Variants in AASS observed in about 807,000 individuals in gnomAD.
The protein encoded by AASS is alpha-aminoadipic semialdehyde synthase, mitochondrial.
AASS carries 86 observed loss-of-function variants against 105.4 expected under a neutral mutation model. The observed-to-expected ratio is 0.82, with a 90% confidence interval of 0.69 to 0.98. The LOEUF (loss-of-function observed/expected upper bound fraction) is 0.98, where lower values mean the gene tolerates loss of function less well. AASS is among the 50% of genes least tolerant of loss of function. AASS has a pLI of 0.00. For missense variants in AASS, 1,048 were observed against 1,143.2 expected (o/e 0.92, Z 1.20); for synonymous variants, 381 against 394.8 (o/e 0.96, Z 0.41).
At chr7:122,092,738 C>CT (rs1272006135) in intron 17 of AASS, 105 bp downstream of exon 17, 3 of 981,210 alleles carry the variant, frequency 3.1e-6, no homozygotes, top group Non-Finnish European at 4.8e-6. Flanking sequence ...AAAAAAAAAT[C>CT]TTTAACTTTG....
intron 23 of AASS, among the ~76,000 whole-genome samples, chr7:122,076,999 A>AT (rs1348827768): frequency 1.3e-5 from 2 of 152,158 alleles, no homozygotes; most frequent in Non-Finnish European, 2.9e-5. Context: ...AACAGGTTTG[A>AT]TTATATGGGC....
chr7:122,109,202 T>C (rs1346387690), intron 11 of AASS, among the ~76,000 whole-genome samples: 1 of 115,856 alleles, frequency 8.6e-6, no homozygotes. Flanking sequence ...TTTATATTGT[T>C]AAAATGCCCA....
In AASS at chr7:122,116,695, C is replaced by T. The variant is rs1795194106; in HGVS notation, c.832G>A (p.Val278Met). Residue 278 changes from valine (V) to methionine (M), a missense_variant, in exon 8 of 24, where the codon GTG becomes ATG. Physicochemically the swap from Val to Met is conservative, Grantham distance 21. Coordinates refer to ENST00000417368, the MANE Select transcript of AASS (RefSeq NM_005763.4). ...TTGTCATACTCTGCAGGATCATACA[C>T]AGCATCTGTTTTCCTGACAAGATGA... is the stretch of plus-strand genomic sequence containing the variant. ...HHHLVRKTDA[V>M]YDPAEYDKHP... 5 of 1,614,144 alleles carry T rather than the reference C, an allele frequency of 3.1e-6. No individual in the cohort carries two copies. Among genetic ancestry groups the T allele is most frequent in the African/African-American group, 1.3e-5 (1 of 75,048 alleles).
At chr7:122,080,654 G>A (rs928349094) in intron 20 of AASS, among the ~76,000 whole-genome samples, 22 of 152,188 alleles carry the variant, frequency 1.4e-4, no homozygotes, top group African/African-American at 5.1e-4. Context: ...TGCTTGAGGT[G>A]GTAGATACCC....
intron 18 of AASS, among the ~76,000 whole-genome samples, chr7:122,086,626 A>T (rs1335033581): frequency 6.6e-6 from 1 of 151,964 alleles, no homozygotes. Context: ...TTTAAAAAAT[A>T]AACTTAAATA....
chr7:122,084,573 C>T (rs757881704), intron 19 of AASS, among the ~76,000 whole-genome samples: 13 of 151,078 alleles, frequency 8.6e-5, no homozygotes, highest in Admixed American at 7.3e-4. Flanking sequence ...TTTTTTTTTA[C>T]GAAAGTAAAA....
intron 18 of AASS, among the ~76,000 whole-genome samples, chr7:122,088,151 A>T (rs1195067639): frequency 6.6e-6 from 1 of 152,120 alleles, no homozygotes; most frequent in African/African-American, 2.4e-5. Flanking sequence ...CTGCTCTGAC[A>T]ATGCTCAGGC....
chr7:122,098,175 G>C (rs1794255865), intron 15 of AASS, among the ~76,000 whole-genome samples: 1 of 151,934 alleles, frequency 6.6e-6, no homozygotes, highest in African/African-American at 2.4e-5. Context: ...TTTACCCTTA[G>C]AGGATGGGGT....
chr7:122,083,068 G>C (rs897334741), intron 19 of AASS, among the ~76,000 whole-genome samples: 1 of 143,168 alleles, frequency 7.0e-6, no homozygotes, highest in Admixed American at 7.0e-5. Flanking sequence ...AAAAGAGAGA[G>C]AGGGAAATAA....
chr7:122,133,068 G>T (rs1371242642), intron 2 of AASS, among the ~76,000 whole-genome samples: 1 of 152,134 alleles, frequency 6.6e-6, no homozygotes, highest in Non-Finnish European at 1.5e-5. Context: ...ATAGTAATGA[G>T]TTATGATGTC....
chr7:122,113,663 A>T lies in AASS; in HGVS notation c.1101T>A (p.Thr367=), dbSNP rs1234314745. 1.2e-6 allele frequency: 2 copies of T among 1,613,588 alleles called. No homozygotes were observed. The highest frequency in any genetic ancestry group is 1.7e-6 in the Non-Finnish European group (2 of 1,179,902). The change falls in exon 10 of 24, where the codon ACT becomes ACA. Residue 367 remains threonine, a synonymous_variant. Coordinates refer to ENST00000417368, the MANE Select transcript of AASS (RefSeq NM_005763.4). ...ADTGGSIEFM[T]ECTTIEHPFC... ...AGGGATGCTCTATTGTTGTACACTC[A>T]GTCATAAACTCTATAGACCCTCCTG...
rs73440997 is a variant in AASS at position 122,078,222 on chromosome 7, A to G, written c.2486-208T>C. ...TGATCTCATTCCTTTATCCGGATTC[A>G]TGTCACCATATCCTGTTTACAGACA... On this transcript the variant is annotated intron_variant, in intron 22 of 23. Transcript: ENST00000417368. Among the ~76,000 whole-genome samples, 695 of 152,228 alleles carry G rather than the reference A, an allele frequency of 4.6e-3. 7 individuals carry two copies. The highest frequency in any genetic ancestry group is 0.016 in the African/African-American group (659 of 41,548).
chr7:122,102,003 A>G (rs1794455041), intron 11 of AASS, among the ~76,000 whole-genome samples: 2 of 151,926 alleles, frequency 1.3e-5, no homozygotes, highest in Non-Finnish European at 1.5e-5. Context: ...AAATATCTTC[A>G]CAAGCTTTAT....
At chr7:122,114,752 T>C (rs1022894542) in intron 9 of AASS, among the ~76,000 whole-genome samples, 1 of 151,936 alleles carries the variant, frequency 6.6e-6, no homozygotes, top group African/African-American at 2.4e-5. Flanking sequence ...TTTCAAGAAG[T>C]GGAGGTGGGC....
intron 13 of AASS, 73 bp from the exon 14 acceptor site, chr7:122,098,939 T>C: frequency 1.4e-6 from 2 of 1,421,360 alleles, no homozygotes; most frequent in South Asian, 1.4e-5. Context: ...TAACAGAATC[T>C]TGCATTCCAC....
chr7:122,086,664 A>T (rs1793643661), intron 18 of AASS, among the ~76,000 whole-genome samples: 1 of 152,116 alleles, frequency 6.6e-6, no homozygotes, highest in South Asian at 2.1e-4. Flanking sequence ...AATTATTTAA[A>T]TGGCTTCTAT....
chr7:122,133,107 A>T (rs571776786), intron 2 of AASS, among the ~76,000 whole-genome samples: 2 of 152,188 alleles, frequency 1.3e-5, no homozygotes, highest in Non-Finnish European at 2.9e-5. Flanking sequence ...GGCTCAGGAA[A>T]GGAAAAGTAT....
At chr7:122,087,577 T>C (rs1170931818) in intron 18 of AASS, among the ~76,000 whole-genome samples, 1 of 152,130 alleles carries the variant, frequency 6.6e-6, no homozygotes, top group Non-Finnish European at 1.5e-5. Flanking sequence ...AAAGCAAATG[T>C]TGGGCATGAT....
chr7:122,076,673 G>C (rs954240992), intron 23 of AASS, 66 bp from the exon 24 acceptor site: 1 of 1,224,934 alleles, frequency 8.2e-7, no homozygotes, highest in South Asian at 1.2e-5. Flanking sequence ...TCCCCATCAA[G>C]AGTCTCCACA....
Sources: gnomAD v4.1 joint callset for allele counts (sites outside exome capture counted in the v4.1 genomes callset) on GRCh38, gnomAD v4.1.1 for gene constraint, MANE v1.5 for transcripts, NCBI Gene and HGNC (gene_info 2026-07-23, HGNC 2026-07-21) for gene names.